The following TTC28 variants were observed in gnomAD, a reference collection of about 807,000 sequenced individuals.
The protein encoded by TTC28 is tetratricopeptide repeat domain 28.
In TTC28, 61 loss-of-function variants were observed where a neutral mutation model predicts 198.0. That is an observed-to-expected ratio of 0.31 (90% CI 0.25 to 0.38). TTC28 has a LOEUF of 0.38. Ranked by LOEUF, TTC28 falls within the 10% of genes least tolerant of loss-of-function variation. TTC28 has a pLI of 1.00. For synonymous variants in TTC28, 1,171 were observed against 1,297.8 expected (o/e 0.90, Z 2.10); for missense variants, 2,678 against 3,164.0 (o/e 0.85, Z 3.69).
intron 6 of TTC28, among the ~76,000 whole-genome samples, chr22:28,126,283 C>A (rs1942911259): frequency 6.6e-6 from 1 of 152,192 alleles, no homozygotes; most frequent in Non-Finnish European, 1.5e-5. Flanking sequence ...TGATCAAAAT[C>A]ATCACAAACG....
At chr22:28,359,337 CCATT>C (rs1415319851) in intron 2 of TTC28, among the ~76,000 whole-genome samples, 1 of 152,040 alleles carries the variant, frequency 6.6e-6, no homozygotes, top group African/African-American at 2.4e-5. Flanking sequence ...TGTACCTCAC[CCATT>C]TACACAACCT....
chr22:28,672,593 C>T (rs2145712617), intron 1 of TTC28, among the ~76,000 whole-genome samples: 1 of 152,334 alleles, frequency 6.6e-6, no homozygotes, highest in Non-Finnish European at 1.5e-5. Flanking sequence ...ACCCACCACA[C>T]CTGGCCTAAA....
At chr22:28,236,705 G>A (rs1374875779) in intron 5 of TTC28, among the ~76,000 whole-genome samples, 2 of 152,182 alleles carry the variant, frequency 1.3e-5, no homozygotes, top group East Asian at 1.9e-4. Flanking sequence ...TGGAGAACTT[G>A]AGGAAAAGAA....
intron 2 of TTC28, among the ~76,000 whole-genome samples, chr22:28,469,919 T>C (rs2048076495): frequency 6.6e-6 from 1 of 152,200 alleles, no homozygotes; most frequent in African/African-American, 2.4e-5. Context: ...ACTATGCACC[T>C]TGAACTCCTG....
intron 2 of TTC28, among the ~76,000 whole-genome samples, chr22:28,577,854 C>T (rs1362418049): frequency 1.3e-5 from 2 of 151,844 alleles, no homozygotes; most frequent in African/African-American, 4.8e-5. Flanking sequence ...TTATGTGTGT[C>T]TTTATAGGTG....
intron 2 of TTC28, among the ~76,000 whole-genome samples, chr22:28,442,633 C>T (rs1328451185): frequency 6.6e-6 from 1 of 152,226 alleles, no homozygotes; most frequent in Non-Finnish European, 1.5e-5. Context: ...CTAAAGCAAA[C>T]GGGTGCTTCC....
At chr22:28,456,521 T>G (rs760510095) in intron 2 of TTC28, among the ~76,000 whole-genome samples, 14 of 152,138 alleles carry the variant, frequency 9.2e-5, no homozygotes, top group Non-Finnish European at 1.5e-4. Flanking sequence ...CTTTCCCCAA[T>G]TCCTCCCCCA....
intron 2 of TTC28, among the ~76,000 whole-genome samples, chr22:28,519,734 G>T (rs2048863336): frequency 6.6e-6 from 1 of 152,192 alleles, no homozygotes; most frequent in African/African-American, 2.4e-5. Context: ...AAGTCAGCAT[G>T]AGGAAACACA....
At chr22:28,528,720 A>G (rs1258535356) in intron 2 of TTC28, among the ~76,000 whole-genome samples, 4 of 145,628 alleles carry the variant, frequency 2.7e-5, no homozygotes, top group Non-Finnish European at 6.0e-5. Flanking sequence ...TGGGCAACAG[A>G]GCAAGACCCT....
chr22:28,058,762 G>T (rs1053349719), intron 12 of TTC28, among the ~76,000 whole-genome samples: 1 of 151,622 alleles, frequency 6.6e-6, no homozygotes, highest in African/African-American at 2.4e-5. Flanking sequence ...TGTTAAAAAG[G>T]TTTCTGATAA....
intron 5 of TTC28, among the ~76,000 whole-genome samples, chr22:28,218,231 A>G (rs967849032): frequency 5.3e-4 from 81 of 152,302 alleles, no homozygotes; most frequent in African/African-American, 1.9e-3. Flanking sequence ...CCCACTCATA[A>G]TTTTATAACA....
intron 2 of TTC28, among the ~76,000 whole-genome samples, chr22:28,574,505 T>G (rs1278266268): frequency 6.6e-6 from 1 of 152,200 alleles, no homozygotes; most frequent in Non-Finnish European, 1.5e-5. Context: ...GCTATGTTTT[T>G]GATATACTGA....
At chr22:28,185,627 A>T (rs1924123489) in intron 5 of TTC28, among the ~76,000 whole-genome samples, 1 of 152,206 alleles carries the variant, frequency 6.6e-6, no homozygotes, top group African/African-American at 2.4e-5. Flanking sequence ...ATAAAGGAAA[A>T]AATTGTTGTA....
chr22:28,345,818 T>G (rs894842479), intron 2 of TTC28, among the ~76,000 whole-genome samples: 10 of 152,146 alleles, frequency 6.6e-5, no homozygotes, highest in Admixed American at 5.9e-4. Flanking sequence ...GTACAACCTC[T>G]TCACTTCAAA....
At chr22:28,115,394 G>A (rs1288552370) in intron 6 of TTC28, among the ~76,000 whole-genome samples, 1 of 152,272 alleles carries the variant, frequency 6.6e-6, no homozygotes, top group East Asian at 1.9e-4. Flanking sequence ...GCATGATTCT[G>A]TGCCCATTTC....
chr22:28,655,875 C>A (rs141959356), intron 1 of TTC28, among the ~76,000 whole-genome samples: 1 of 148,312 alleles, frequency 6.7e-6, no homozygotes. Flanking sequence ...AAAAAAAAAA[C>A]TTCCCCCACC....
At chr22:28,091,856 A>C (rs1941825148) in intron 12 of TTC28, among the ~76,000 whole-genome samples, 1 of 152,212 alleles carries the variant, frequency 6.6e-6, no homozygotes, top group South Asian at 2.1e-4. Context: ...CTTAAATGAA[A>C]ATGTCGGGTA....
intron 5 of TTC28, among the ~76,000 whole-genome samples, chr22:28,225,573 G>A (rs1424021804): frequency 6.6e-6 from 1 of 152,110 alleles, no homozygotes; most frequent in Non-Finnish European, 1.5e-5. Context: ...ATGACCTAAA[G>A]AAGGGTAGAA....
At chr22:28,253,394 C>T (rs1243067625) in intron 5 of TTC28, among the ~76,000 whole-genome samples, 2 of 152,088 alleles carry the variant, frequency 1.3e-5, no homozygotes, top group African/African-American at 4.8e-5. Flanking sequence ...TAAATCACCA[C>T]TAGGTGACAA....
Sources: allele counts gnomAD v4.1 joint callset (sites outside exome capture counted in the v4.1 genomes callset), GRCh38; gene constraint gnomAD v4.1.1; transcripts MANE v1.5; gene names NCBI Gene and HGNC (gene_info 2026-07-23, HGNC 2026-07-21).